The following NOTCH4 variants were observed in gnomAD, a reference collection of about 807,000 sequenced individuals.
NOTCH4 encodes neurogenic locus notch homolog protein 4.
In NOTCH4, 138 loss-of-function variants were observed where a neutral mutation model predicts 189.0. The ratio of observed to expected loss-of-function variants is 0.73; its 90% CI spans 0.64 to 0.84. The LOEUF is 0.84. NOTCH4 is among the 40% of genes least tolerant of loss of function. NOTCH4 has a pLI of 0.00. For missense variants in NOTCH4, 2,286 were observed against 2,605.4 expected, an observed-to-expected ratio of 0.88 and a Z score of 2.67; for synonymous variants, 942 against 1,032.8, an observed-to-expected ratio of 0.91 and a Z score of 1.69.
chr6:32,206,978 T>C (rs2515891), intron 18 of NOTCH4, among the ~76,000 whole-genome samples: 8,204 of 151,268 alleles, frequency 0.054, 339 homozygotes, highest in African/African-American at 0.11. Flanking sequence ...GTTGCCAGGC[T>C]GGAGTGCAAT....
At chr6:32,219,458 G>A in intron 8 of NOTCH4, 134 bp downstream of exon 8, 1 of 801,708 alleles carries the variant, frequency 1.2e-6, no homozygotes, top group Non-Finnish European at 2.0e-6. Context: ...TTTTCGTCTG[G>A]GGGTAGAGAG....
rs2127485668 is a variant in NOTCH4 at position 32,219,606 on chromosome 6, C to T, written c.1496G>A (p.Cys499Tyr). The T allele has an allele frequency of 6.2e-7, 1 of 1,612,820 alleles. No individual in the cohort carries two copies. The highest frequency in any genetic ancestry group is 8.5e-7 in the Non-Finnish European group (1 of 1,179,888). ...TCLDLLATFH[C>Y]LCPPGLEGQL... ...CCAGCTGATACCTGGCGGGCAGAGG[C>T]AGTGGAAGGTGGCAAGTAGGTCCAG... Residue 499 changes from cysteine to tyrosine, a missense_variant, in exon 8 of 30, where the codon TGC (cysteine) becomes TAC (tyrosine). Around this residue, in one of 2 missense-constraint regions of NOTCH4, gnomAD observed 1,903 missense variants for 2,261.9 expected, o/e 0.84. Transcript: ENST00000375023.
chr6:32,213,976 C>A, intron 13 of NOTCH4, 134 bp downstream of exon 13: 1 of 1,417,550 alleles, frequency 7.1e-7, no homozygotes, highest in Non-Finnish European at 9.7e-7. Context: ...CACCACCTCC[C>A]ACACATCACC....
In NOTCH4 at chr6:32,200,208, T is replaced by A. The variant is rs2127464527; in HGVS notation, c.4315+623A>T. 6.9e-6 allele frequency among the ~76,000 whole-genome samples: 1 copy of A among 145,252 alleles called. No individual in the cohort carries two copies. Among genetic ancestry groups the A allele is most frequent in the African/African-American group, 2.5e-5 (1 of 40,186 alleles). On this transcript the variant is annotated intron_variant, in intron 23 of 29. Transcript: ENST00000375023. The surrounding 1 kb of genome is among the most constrained non-coding windows in gnomAD (Gnocchi z 5.0). ...AAGGCACAAAGTACGATATAGCAGT[T>A]ATTTTTCTTTTTTTTTTTTTGAGAT...
chr6:32,222,089 G>C (rs896927356), intron 3 of NOTCH4, among the ~76,000 whole-genome samples: 3 of 151,992 alleles, frequency 2.0e-5, no homozygotes, highest in African/African-American at 7.3e-5. Flanking sequence ...CCTTCCCGGT[G>C]CCCCTCCCAC....
In NOTCH4 at chr6:32,212,933, C is replaced by A; in HGVS notation, c.2439-22G>T. 6.4e-7 allele frequency: 1 copy of A among 1,556,626 alleles called. No individual in the cohort carries two copies. Among genetic ancestry groups the A allele is most frequent in the South Asian group, 1.2e-5 (1 of 84,888 alleles). ...GGGGCTGAACAAGACAGAGACAGGG[C>A]ATGATAGGAAGAAGTTCGGGCAACA... On this transcript the variant is annotated intron_variant, in intron 15 of 29. Coordinates refer to ENST00000375023, the MANE Select transcript of NOTCH4 (RefSeq NM_004557.4). This position sits in a 1 kb window ranked among gnomAD's most constrained non-coding sequence, Gnocchi z 4.4.
At chr6:32,197,150 C>T (rs957222762) in intron 27 of NOTCH4, 78 bp from the exon 28 acceptor site, 18 of 1,553,248 alleles carry the variant, frequency 1.2e-5, no homozygotes, top group African/African-American at 4.1e-5. Context: ...TAACCCCACT[C>T]GCAATCCATA....
chr6:32,201,376 C>A lies in NOTCH4; in HGVS notation c.3880G>T (p.Gly1294Trp), dbSNP rs764958953. The A allele has an allele frequency of 6.3e-7, 1 of 1,593,410 alleles. No individual in the cohort carries two copies. The highest frequency in any genetic ancestry group is 1.7e-5 in the Admixed American group (1 of 57,500). ...CRPEDGDPEW[G>W]PSLALLVVLS... ...ACCACCAGCAGGGCCAGGGAGGGCCCCCACTCTGGGTCCCCATCTTCAGGC... is the reference window on the plus strand; with the variant it reads ...ACCACCAGCAGGGCCAGGGAGGGCCACCACTCTGGGTCCCCATCTTCAGGC... Residue 1294 changes from glycine (G) to tryptophan (W), a missense_variant, in exon 22 of 30, where the codon GGG becomes TGG. Physicochemically the swap from Gly to Trp is radical, Grantham distance 184 (BLOSUM62 -2). Transcript: ENST00000375023. The surrounding 1 kb of genome is among the most constrained non-coding windows in gnomAD (Gnocchi z 5.5).
chr6:32,213,252 G>A lies in NOTCH4; in HGVS notation c.2321C>T (p.Ala774Val), dbSNP rs763530935. Residue 774 changes from alanine (A) to valine (V), a missense_variant and splice_region_variant, in exon 15 of 30, where the codon GCC (alanine) becomes GTC (valine). Ala to Val is a moderately conservative substitution (Grantham distance 64). Coordinates refer to ENST00000375023, the MANE Select transcript of NOTCH4 (RefSeq NM_004557.4). ...ACAGGTACCCCCATTGAAGCACGGG[G>A]CTGGAGAGAGGAGGCTGTGAGGGTT... ...CQTSTDYCVS[A>V]PCFNGGTCVN... The A allele has an allele frequency of 4.4e-6, 7 of 1,608,994 alleles. No homozygotes were observed. The African/African-American group carries it at 6.7e-5, about 15-fold the overall frequency.
Position 32,220,199 on chromosome 6 carries a change from G to GGA in NOTCH4, c.1243_1244dup (p.Thr416ProfsTer23). 6.2e-7 allele frequency: 1 copy of GGA among 1,613,944 alleles called. No individual in the cohort carries two copies. On this transcript the variant is annotated frameshift_variant, in exon 7 of 30. Transcript: ENST00000375023. LOFTEE classifies it high-confidence loss of function. The stretch of plus-strand genomic sequence containing the variant: ...AGCCAGGCTGACACAGGCAGAGTGT[G>GGA]GAGCCTGTGAGGGGGTTGGTGCTGC...
intron 28 of NOTCH4, 51 bp from the exon 29 acceptor site, chr6:32,196,472 G>C: frequency 6.3e-7 from 1 of 1,598,798 alleles, no homozygotes; most frequent in Non-Finnish European, 8.5e-7. Flanking sequence ...CAGACGCCTG[G>C]GTTCCGGTTT....
At position 32,218,042 on chromosome 6, in the gene NOTCH4, G is replaced by A. The variant is rs145916093; in HGVS notation, c.1577C>T (p.Ala526Val). The A allele has an allele frequency of 1.9e-5, 31 of 1,613,856 alleles. No individual in the cohort carries two copies. The highest frequency in any genetic ancestry group is 4.0e-5 in the African/African-American group (3 of 74,932). ...ECASAPCLNH[A>V]DCHDLLNGFQ... ...GCCGTTGAGCAGGTCATGGCAATCCGCGTGGTTCAGGCAGGGAGCTGAGGC... is the reference window on the plus strand; with the variant it reads ...GCCGTTGAGCAGGTCATGGCAATCCACGTGGTTCAGGCAGGGAGCTGAGGC... Residue 526 changes from alanine (A) to valine (V), a missense_variant, in exon 9 of 30, where the codon GCG becomes GTG. Ala to Val is a moderately conservative substitution (Grantham distance 64). Around this residue, in one of 2 missense-constraint regions of NOTCH4, gnomAD observed 1,903 missense variants for 2,261.9 expected, o/e 0.84. Transcript: ENST00000375023.
Position 32,201,021 on chromosome 6 carries a change from C to T in NOTCH4, c.4140-15G>A. On this transcript the variant is annotated splice_polypyrimidine_tract_variant and intron_variant, in intron 22 of 29. Coordinates refer to ENST00000375023, the MANE Select transcript of NOTCH4 (RefSeq NM_004557.4). The surrounding 1 kb of genome is among the most constrained non-coding windows in gnomAD (Gnocchi z 5.5). ...CCACCACAAACCTGTAGAGGAGGCACCTCAGAGACCTCTGTATTGGTCCCT... is the reference window on the plus strand; with the variant it reads ...CCACCACAAACCTGTAGAGGAGGCATCTCAGAGACCTCTGTATTGGTCCCT... The T allele has an allele frequency of 6.4e-7, 1 of 1,553,966 alleles. No homozygotes were observed. Among genetic ancestry groups the T allele is most frequent in the Non-Finnish European group, 8.7e-7 (1 of 1,150,528 alleles).
chr6:32,223,694 G>A (rs886977897), intron 1 of NOTCH4, among the ~76,000 whole-genome samples, 162 bp downstream of exon 1: 6 of 151,960 alleles, frequency 3.9e-5, no homozygotes, highest in African/African-American at 1.5e-4. Context: ...CAGCTCCATG[G>A]GCAGAGCCGT....
rs146152272 is a variant in NOTCH4 at position 32,215,231 on chromosome 6, G to A, written c.2016C>T (p.Cys672=). The stretch of plus-strand genomic sequence containing the variant: ...GAGGGTCTGGAAGATGTTACCTCTG[G>A]CAGTGCCCGTGGTGGCAGGTGCAGT... ...EDNCTCHHGH[C]QRSSCVCDVG... is the part of the protein sequence containing the mutation. Residue 672 remains cysteine (C), a synonymous_variant, in exon 12 of 30, where the codon TGC becomes TGT. Coordinates refer to ENST00000375023, the MANE Select transcript of NOTCH4 (RefSeq NM_004557.4). The A allele has an allele frequency of 2.9e-5, 46 of 1,597,938 alleles. No individual in the cohort carries two copies. The highest frequency in any genetic ancestry group is 3.9e-5 in the Non-Finnish European group (46 of 1,173,758).
chr6:32,209,274 C>T (rs1788871381), intron 18 of NOTCH4, among the ~76,000 whole-genome samples: 1 of 152,070 alleles, frequency 6.6e-6, no homozygotes, highest in Non-Finnish European at 1.5e-5. Flanking sequence ...TAATATTGCT[C>T]CTCACTCATA....
At chr6:32,219,473 G>A (rs1474599708) in intron 8 of NOTCH4, 119 bp downstream of exon 8, 7 of 891,734 alleles carry the variant, frequency 7.8e-6, no homozygotes, top group Non-Finnish European at 1.2e-5. Context: ...AGAGAGAGAA[G>A]CATCTGTGGT....
chr6:32,197,143 C>T (rs546012099), intron 27 of NOTCH4, 71 bp from the exon 28 acceptor site: 1 of 1,562,314 alleles, frequency 6.4e-7, no homozygotes, highest in South Asian at 1.1e-5. Flanking sequence ...ACACTATTAA[C>T]CCCACTCGCA....
Position 32,198,011 on chromosome 6 carries a change from C to T in NOTCH4, c.4756+410G>A, listed in dbSNP as rs192770534. ...TAATTTTTTGTATTTTTAGTAGAGA[C>T]GGGGTTTCACTGTGTTAGCCAGGAT... On this transcript the variant is annotated intron_variant, in intron 26 of 29. Coordinates refer to ENST00000375023, the MANE Select transcript of NOTCH4 (RefSeq NM_004557.4). This position sits in a 1 kb window ranked among gnomAD's most constrained non-coding sequence, Gnocchi z 5.5. Among the ~76,000 whole-genome samples the T allele has an allele frequency of 1.3e-3, 197 of 152,014 alleles. 4 individuals are homozygous for T. Among genetic ancestry groups the T allele is most frequent in the Admixed American group, 0.011 (164 of 15,290 alleles).
Sources: gnomAD v4.1 joint callset for allele counts (sites outside exome capture counted in the v4.1 genomes callset) on GRCh38, gnomAD v4.1.1 for gene constraint, gnomAD v4.1.1 regional missense constraint, Gnocchi (gnomAD v3.1) non-coding constraint, MANE v1.5 for transcripts, NCBI Gene and HGNC (gene_info 2026-07-23, HGNC 2026-07-21) for gene names.